Variants in RTN1 observed in about 807,000 individuals in gnomAD.
RTN1 encodes reticulon-1.
RTN1 carries 25 observed loss-of-function variants against 65.5 expected under a neutral mutation model. That is an observed-to-expected ratio of 0.38 (90% confidence interval 0.28 to 0.53). RTN1 has a LOEUF of 0.53. Among genes scored for constraint, RTN1 ranks in the 20% least tolerant of loss-of-function variants. The pLI, the probability that RTN1 is intolerant of heterozygous loss-of-function variation, is 0.79. For synonymous variants in RTN1, 471 were observed against 447.6 expected (o/e 1.05, Z -0.66); for missense variants, 983 against 1,025.4 (o/e 0.96, Z 0.57).
chr14:59,722,289 G>A (rs1884663800), intron 3 of RTN1, among the ~76,000 whole-genome samples: 2 of 152,192 alleles, frequency 1.3e-5, no homozygotes, highest in South Asian at 4.1e-4. Flanking sequence ...TACACAGTGA[G>A]GGAAATCGGC....
intron 3 of RTN1, chr14:59,607,703 C>T: frequency 1.7e-6 from 1 of 580,738 alleles, no homozygotes; most frequent in Non-Finnish European, 3.1e-6. Context: ...GAGGATAATT[C>T]ACAAATTCAC....
At chr14:59,833,492 TG>T (rs1408049029) in intron 1 of RTN1, among the ~76,000 whole-genome samples, 32 of 152,310 alleles carry the variant, frequency 2.1e-4, no homozygotes, top group African/African-American at 7.7e-4. Context: ...AAAAGTGACA[TG>T]GTTTACACAC....
At chr14:59,658,575 G>A (rs1883175151) in intron 3 of RTN1, among the ~76,000 whole-genome samples, 1 of 152,180 alleles carries the variant, frequency 6.6e-6, no homozygotes, top group African/African-American at 2.4e-5. Context: ...AGCCTCCACT[G>A]GTGATACCCA....
chr14:59,746,883 G>A (rs902219209), intron 1 of RTN1, among the ~76,000 whole-genome samples: 2 of 152,160 alleles, frequency 1.3e-5, no homozygotes, highest in Non-Finnish European at 2.9e-5. Context: ...GGCTACCTCA[G>A]GATTGTAACT....
chr14:59,685,804 T>A (rs573318531), intron 3 of RTN1, among the ~76,000 whole-genome samples: 108 of 152,130 alleles, frequency 7.1e-4, no homozygotes, highest in Non-Finnish European at 1.4e-3. Flanking sequence ...TTCAAAGAAA[T>A]AGAAAAAACA....
At chr14:59,865,522 A>G (rs1887783643) in intron 1 of RTN1, among the ~76,000 whole-genome samples, 1 of 152,196 alleles carries the variant, frequency 6.6e-6, no homozygotes, top group Non-Finnish European at 1.5e-5. Context: ...GAGCTCAAAT[A>G]AGAATTGAGA....
At chr14:59,802,072 AC>A (rs1243336824) in intron 1 of RTN1, among the ~76,000 whole-genome samples, 23 of 152,212 alleles carry the variant, frequency 1.5e-4, no homozygotes, top group African/African-American at 5.5e-4. Flanking sequence ...CATTGTGTAC[AC>A]CTGAAGGTTT....
intron 8 of RTN1, among the ~76,000 whole-genome samples, chr14:59,599,342 T>C (rs1216464530): frequency 6.6e-6 from 1 of 152,236 alleles, no homozygotes; most frequent in Non-Finnish European, 1.5e-5. Flanking sequence ...TTTTGAATCT[T>C]GAGCTTGCCA....
At chr14:59,852,083 T>C (rs1887519060) in intron 1 of RTN1, among the ~76,000 whole-genome samples, 1 of 152,122 alleles carries the variant, frequency 6.6e-6, no homozygotes, top group Non-Finnish European at 1.5e-5. Context: ...AATTCAAACA[T>C]AATGGGCTGC....
chr14:59,661,342 T>C (rs981786799), intron 3 of RTN1, among the ~76,000 whole-genome samples: 87 of 149,790 alleles, frequency 5.8e-4, no homozygotes, highest in Non-Finnish European at 1.5e-4. Flanking sequence ...GCTGGTACCA[T>C]TCCTTCTGAA....
chr14:59,806,659 C>A (rs905273946), intron 1 of RTN1, among the ~76,000 whole-genome samples: 17 of 152,178 alleles, frequency 1.1e-4, no homozygotes, highest in African/African-American at 4.1e-4. Context: ...TTGTTCCCCT[C>A]CATGTGTCCA....
chr14:59,758,053 T>G (rs1294606382), intron 1 of RTN1, among the ~76,000 whole-genome samples: 1 of 152,132 alleles, frequency 6.6e-6, no homozygotes, highest in Non-Finnish European at 1.5e-5. Flanking sequence ...CTTTCCTCCT[T>G]CCTAACCCCA....
intron 3 of RTN1, among the ~76,000 whole-genome samples, chr14:59,611,924 C>T (rs960511112): frequency 1.3e-5 from 2 of 152,168 alleles, no homozygotes; most frequent in Non-Finnish European, 2.9e-5. Flanking sequence ...CCATCCTTAT[C>T]TGGTCACATT....
intron 1 of RTN1, among the ~76,000 whole-genome samples, chr14:59,827,141 T>C (rs1413997920): frequency 1.3e-5 from 2 of 152,136 alleles, no homozygotes; most frequent in Admixed American, 1.3e-4. Context: ...TACAGTGGCG[T>C]GATCTCGGCT....
chr14:59,706,355 T>G (rs934357114), intron 3 of RTN1, among the ~76,000 whole-genome samples: 14 of 151,338 alleles, frequency 9.3e-5, no homozygotes, highest in Non-Finnish European at 1.9e-4. Context: ...ACATCTCCCC[T>G]AGGAAAAGAA....
chr14:59,603,056 G>A lies in RTN1; in HGVS notation c.2288+9C>T. On this transcript the variant is annotated intron_variant, in intron 8 of 8. Coordinates refer to ENST00000267484, the MANE Select transcript of RTN1 (RefSeq NM_021136.3). ...TCTCTCCTTTTATGCATTGCACTAT[G>A]TGACTTACTTTGCCACAACAGCATT... 2 of 1,612,194 alleles carry A rather than the reference G, an allele frequency of 1.2e-6. No individual in the cohort carries two copies. Among genetic ancestry groups the A allele is most frequent in the East Asian group, 2.2e-5 (1 of 44,784 alleles).
At chr14:59,629,013 A>G (rs1193440314) in intron 3 of RTN1, among the ~76,000 whole-genome samples, 1 of 152,230 alleles carries the variant, frequency 6.6e-6, no homozygotes, top group Admixed American at 6.5e-5. Flanking sequence ...TGTATATCAA[A>G]TAAACTGGAT....
Position 59,607,466 on chromosome 14 carries a change from T to C in RTN1, c.1792A>G (p.Ile598Val). 6.2e-7 allele frequency: 1 copy of C among 1,602,532 alleles called. No individual in the cohort carries two copies. The highest frequency in any genetic ancestry group is 2.3e-5 in the East Asian group (1 of 44,224). ...CCAAACACGATGCCCGTCTGCTTGA[T>C]GTCCCGCCAATACAACAGGTCAATA... ...KAIDLLYWRD[I>V]KQTGIVFGSF... Residue 598 changes from isoleucine (I) to valine (V), a missense_variant, in exon 4 of 9, where the codon ATC becomes GTC. Ile to Val is a conservative substitution (Grantham distance 29). Around this residue, in one of 2 missense-constraint regions of RTN1, gnomAD observed 165 missense variants for 223.6 expected, o/e 0.74. Transcript: ENST00000267484.
rs1195013330 is a variant in RTN1 at position 59,745,799 on chromosome 14, T to C, written c.924A>G (p.Leu308=). 2 of 1,614,112 alleles carry C rather than the reference T, an allele frequency of 1.2e-6. No homozygotes were observed. The highest frequency in any genetic ancestry group is 3.3e-5 in the Admixed American group (2 of 60,004). Residue 308 remains leucine, a synonymous_variant, in exon 2 of 9, where the codon CTA becomes CTG. Coordinates refer to ENST00000267484, the MANE Select transcript of RTN1 (RefSeq NM_021136.3). The part of the protein sequence containing the change: ...EKTPEKQDIC[L]KPSPDTVPTV... ...TGGGGACTGTGTCAGGACTTGGCTT[T>C]AGACATATATCTTGCTTCTCAGGGG...
Sources: allele counts gnomAD v4.1 joint callset (sites outside exome capture counted in the v4.1 genomes callset), GRCh38; gene constraint gnomAD v4.1.1; regional missense constraint gnomAD v4.1.1; transcripts MANE v1.5; gene names NCBI Gene and HGNC (gene_info 2026-07-23, HGNC 2026-07-21).